KCNIP4: variants seen among roughly 807,000 people sequenced by gnomAD.
KCNIP4 encodes the protein Kv channel-interacting protein 4.
In KCNIP4, 12 loss-of-function variants were observed where a neutral mutation model predicts 34.0. The ratio of observed to expected loss-of-function variants is 0.35; its 90% CI spans 0.23 to 0.57. The LOEUF is 0.57. KCNIP4 is among the 20% of genes least tolerant of loss of function. The pLI is 0.83. For missense variants in KCNIP4, 238 were observed against 311.7 expected, an observed-to-expected ratio of 0.76 and a Z score of 1.78; for synonymous variants, 124 against 102.2, an observed-to-expected ratio of 1.21 and a Z score of -1.29.
At chr4:21,722,298 T>C (rs1714873213) in intron 1 of KCNIP4, among the ~76,000 whole-genome samples, 2 of 152,102 alleles carry the variant, frequency 1.3e-5, no homozygotes, top group Admixed American at 1.3e-4. Flanking sequence ...AGGGCTGTTA[T>C]AGCCACACTT....
intron 1 of KCNIP4, among the ~76,000 whole-genome samples, chr4:21,024,692 A>T (rs985739556): frequency 6.6e-6 from 1 of 152,160 alleles, no homozygotes; most frequent in Non-Finnish European, 1.5e-5. Context: ...AGTTTTCTTT[A>T]ATGGTCTCTT....
chr4:21,239,617 T>G (rs962127107), intron 1 of KCNIP4, among the ~76,000 whole-genome samples: 6 of 152,014 alleles, frequency 3.9e-5, no homozygotes, highest in East Asian at 1.9e-4. Context: ...AACAGACACA[T>G]GAAAAAATGC....
At chr4:20,928,159 C>T (rs143208847) in intron 1 of KCNIP4, among the ~76,000 whole-genome samples, 7 of 151,640 alleles carry the variant, frequency 4.6e-5, no homozygotes, top group East Asian at 3.9e-4. Flanking sequence ...TATAAAACTA[C>T]GTATAATCTA....
chr4:21,006,235 C>A (rs1383307330), intron 1 of KCNIP4, among the ~76,000 whole-genome samples: 1 of 152,114 alleles, frequency 6.6e-6, no homozygotes, highest in Non-Finnish European at 1.5e-5. Flanking sequence ...GAAATGGACA[C>A]TAAAGAATAA....
At chr4:21,392,350 C>A (rs1017986453) in intron 1 of KCNIP4, among the ~76,000 whole-genome samples, 1 of 152,192 alleles carries the variant, frequency 6.6e-6, no homozygotes, top group East Asian at 1.9e-4. Flanking sequence ...ATAGTACCAA[C>A]AAGCATTTTA....
In KCNIP4 at chr4:21,598,786, G is replaced by A. The variant is rs540919495; in HGVS notation, c.61+349785C>T. On this transcript the variant is annotated intron_variant, in intron 1 of 8. Coordinates refer to ENST00000382152, the MANE Select transcript of KCNIP4 (RefSeq NM_025221.6). ...CTGGTTCTTTTGCATTCATGCACCA[G>A]TGGGGTCTCCCAACTCATCCAATTT... Among the ~76,000 whole-genome samples the A allele has an allele frequency of 2.6e-5, 4 of 152,186 alleles. No homozygotes were observed. In the South Asian group the frequency reaches 6.2e-4, roughly 24 times the overall value.
At chr4:21,788,450 A>C (rs1020627330) in intron 1 of KCNIP4, among the ~76,000 whole-genome samples, 1 of 152,194 alleles carries the variant, frequency 6.6e-6, no homozygotes, top group Non-Finnish European at 1.5e-5. Flanking sequence ...ATTATGAGGA[A>C]TGCAAAGAAA....
At chr4:21,378,738 T>C (rs1721198175) in intron 1 of KCNIP4, among the ~76,000 whole-genome samples, 1 of 152,204 alleles carries the variant, frequency 6.6e-6, no homozygotes, top group South Asian at 2.1e-4. Context: ...TATGTGTGCA[T>C]TTATATATTC....
rs144481691 is a variant in KCNIP4, at chr4:21,081,962, T to A, written c.62-199253A>T. Reference sequence around the variant, plus strand: ...GCTCTATGTCCAATAATGAGATAAATCTTCATTTCTGATGGTACTAATCCA... The same window carrying A: ...GCTCTATGTCCAATAATGAGATAAAACTTCATTTCTGATGGTACTAATCCA... On this transcript the variant is annotated intron_variant, in intron 1 of 8. Coordinates refer to ENST00000382152, the MANE Select transcript of KCNIP4 (RefSeq NM_025221.6). Among the ~76,000 whole-genome samples, 423 of 151,930 alleles carry A rather than the reference T, an allele frequency of 2.8e-3. 11 individuals carry two copies. The highest frequency in any genetic ancestry group is 9.5e-3 in the African/African-American group (392 of 41,348).
intron 1 of KCNIP4, among the ~76,000 whole-genome samples, chr4:21,764,818 T>C (rs1014627224): frequency 1.3e-5 from 2 of 152,080 alleles, no homozygotes; most frequent in African/African-American, 4.8e-5. Flanking sequence ...TCCTCAGGCC[T>C]CCTCCAACCC....
intron 1 of KCNIP4, among the ~76,000 whole-genome samples, chr4:21,584,060 G>T (rs897276731): frequency 6.6e-6 from 1 of 151,892 alleles, no homozygotes; most frequent in Non-Finnish European, 1.5e-5. Flanking sequence ...AGTAAACAAG[G>T]ATTTACTGCT....
chr4:21,692,827 ATTTTTTTTTT>A (rs35231092), intron 1 of KCNIP4, among the ~76,000 whole-genome samples: 1 of 87,250 alleles, frequency 1.1e-5, no homozygotes, highest in Non-Finnish European at 2.2e-5. Flanking sequence ...AAATCCTGTC[ATTTTTTTTTT>A]TTTTTTTTTT....
intron 1 of KCNIP4, among the ~76,000 whole-genome samples, chr4:21,016,480 A>G (rs1406414608): frequency 6.6e-6 from 1 of 151,912 alleles, no homozygotes; most frequent in Non-Finnish European, 1.5e-5. Context: ...TATTTTTAGT[A>G]GAGATAGGGT....
chr4:21,550,893 A>G (rs1053508634), intron 1 of KCNIP4, among the ~76,000 whole-genome samples: 2 of 152,104 alleles, frequency 1.3e-5, no homozygotes, highest in Non-Finnish European at 2.9e-5. Context: ...GCCTAATTTC[A>G]GAGAGTACCT....
intron 2 of KCNIP4, among the ~76,000 whole-genome samples, chr4:20,871,078 C>A (rs1560531176): frequency 6.6e-6 from 1 of 152,126 alleles, no homozygotes; most frequent in East Asian, 1.9e-4. Context: ...TATCTTATTA[C>A]CACTAATGCC....
intron 1 of KCNIP4, among the ~76,000 whole-genome samples, chr4:20,953,922 C>T (rs1342921442): frequency 6.6e-6 from 1 of 152,112 alleles, no homozygotes; most frequent in Non-Finnish European, 1.5e-5. Flanking sequence ...TGAGAGTGGG[C>T]CATGCAGGTT....
intron 1 of KCNIP4, among the ~76,000 whole-genome samples, chr4:21,738,303 G>A (rs1716153278): frequency 6.6e-6 from 1 of 151,996 alleles, no homozygotes; most frequent in Non-Finnish European, 1.5e-5. Flanking sequence ...GTGAGACAAG[G>A]AAATGCAAGC....
chr4:21,470,950 T>C (rs1052032896), intron 1 of KCNIP4, among the ~76,000 whole-genome samples: 1 of 151,754 alleles, frequency 6.6e-6, no homozygotes, highest in African/African-American at 2.4e-5. Context: ...GTAGAGGGGG[T>C]CTCAAAATAT....
At chr4:21,347,628 C>T (rs73802584) in intron 1 of KCNIP4, among the ~76,000 whole-genome samples, 1,793 of 152,318 alleles carry the variant, frequency 0.012, 30 homozygotes, top group African/African-American at 0.041. Flanking sequence ...AACGCTCTAA[C>T]AGGCATCTGC....
Sources: gnomAD v4.1 joint callset for allele counts (sites outside exome capture counted in the v4.1 genomes callset) on GRCh38, gnomAD v4.1.1 for gene constraint, MANE v1.5 for transcripts, NCBI Gene and HGNC (gene_info 2026-07-23, HGNC 2026-07-21) for gene names.